The following BAZ2B variants were observed in gnomAD, a reference collection of about 807,000 sequenced individuals.
The protein encoded by BAZ2B is bromodomain adjacent to zinc finger domain protein 2B.
Under a neutral mutation model 246.0 loss-of-function variants are expected in BAZ2B, and 91 were observed. The observed-to-expected ratio is 0.37, with a 90% CI of 0.31 to 0.44. The LOEUF (loss-of-function observed/expected upper bound fraction) is 0.44. BAZ2B is among the 20% of genes least tolerant of loss of function. The probability of loss-of-function intolerance (pLI) is 1.00; values close to 1 mark genes in which losing one functional copy is unlikely to be tolerated. For missense variants in BAZ2B, 2,332 were observed against 2,533.7 expected (o/e 0.92, Z 1.71); for synonymous variants, 855 against 860.0 (o/e 0.99, Z 0.10).
At chr2:159,698,544 AAAAGAG>A in the BAZ2B span, among the ~76,000 whole-genome samples, 7,876 of 145,920 alleles carry the variant, frequency 0.054, 402 homozygotes, top group African/African-American at 0.15. Context: ...AAAACAAAGA[AAAAGAG>A]AATGTTTAGC....
intron 13 of BAZ2B, chr2:159,419,647 A>C (rs780276185): frequency 1.3e-5 from 2 of 152,214 alleles, no homozygotes; most frequent in Non-Finnish European, 2.9e-5. Context: ...CACAATGCTG[A>C]CTATGCTTTC....
At chr2:159,478,519 T>G (rs1458586827) in intron 3 of BAZ2B, 56 bp downstream of exon 3, 1 of 1,519,928 alleles carries the variant, frequency 6.6e-7, no homozygotes, top group Non-Finnish European at 8.9e-7. Flanking sequence ...AATAAAATAT[T>G]ATGCAAATTA....
the BAZ2B span, among the ~76,000 whole-genome samples, chr2:159,688,856 A>G: frequency 6.6e-6 from 1 of 152,218 alleles, no homozygotes; most frequent in Non-Finnish European, 1.5e-5. Flanking sequence ...TTGCAGTAAT[A>G]CAGCAGAAGC....
chr2:159,569,995 C>T (rs935178519), intron 1 of BAZ2B, among the ~76,000 whole-genome samples: 15 of 152,046 alleles, frequency 9.9e-5, no homozygotes, highest in African/African-American at 3.1e-4. Context: ...ATACATAGTA[C>T]GTTTTCAATA....
At chr2:159,449,766 A>C (rs2074787346) in intron 4 of BAZ2B, among the ~76,000 whole-genome samples, 1 of 152,208 alleles carries the variant, frequency 6.6e-6, no homozygotes, top group Non-Finnish European at 1.5e-5. Flanking sequence ...TAGATGAAAG[A>C]TGTACATTTA....
chr2:159,695,502 T>C, the BAZ2B span: 2 of 152,114 alleles, frequency 1.3e-5, no homozygotes, highest in African/African-American at 4.8e-5. Flanking sequence ...CTACAAGTTG[T>C]ATAGTTTTAG....
At chr2:159,491,700 G>A (rs1247767979) in intron 2 of BAZ2B, among the ~76,000 whole-genome samples, 2 of 86,468 alleles carry the variant, frequency 2.3e-5, no homozygotes, top group African/African-American at 9.9e-5. Flanking sequence ...CAGCCCGGGC[G>A]ACAGAGCGAG....
chr2:159,524,005 AAT>A (rs1404567028), intron 2 of BAZ2B, among the ~76,000 whole-genome samples: 1 of 152,222 alleles, frequency 6.6e-6, no homozygotes, highest in Non-Finnish European at 1.5e-5. Context: ...GGGCAGAAAT[AAT>A]ATGTTTCTAT....
In BAZ2B at chr2:159,453,695, T is replaced by C. The variant is rs1020764776; in HGVS notation, c.252A>G (p.Ser84=). ...HPVFGLHSAS[S]GHSEFGGLGT... ...CCAAACCACCAAATTCTGAATGCCC[T>C]GAGCTGGCTGAATGTAGACCAAAGA... is the stretch of plus-strand genomic sequence containing the variant. Residue 84 remains serine, a synonymous_variant, in exon 4 of 37, where the codon TCA becomes TCG. Coordinates refer to ENST00000392783, the MANE Select transcript of BAZ2B (RefSeq NM_013450.4). The C allele has an allele frequency of 6.2e-7, 1 of 1,613,774 alleles. No individual in the cohort carries two copies. Among genetic ancestry groups the C allele is most frequent in the Non-Finnish European group, 8.5e-7 (1 of 1,179,824 alleles).
At chr2:159,558,388 C>G (rs1268235643) in intron 1 of BAZ2B, among the ~76,000 whole-genome samples, 3 of 152,150 alleles carry the variant, frequency 2.0e-5, no homozygotes, top group African/African-American at 7.2e-5. Flanking sequence ...TTCCGAGTAG[C>G]TGGGATTACA....
intron 22 of BAZ2B, 113 bp downstream of exon 22, chr2:159,386,240 A>G: frequency 3.4e-6 from 4 of 1,187,116 alleles, no homozygotes; most frequent in South Asian, 1.7e-5. Flanking sequence ...TTTGTGAGAC[A>G]TTATGTGGAA....
chr2:159,552,137 TCTAAA>T (rs1280568952), intron 2 of BAZ2B, among the ~76,000 whole-genome samples: 10 of 152,198 alleles, frequency 6.6e-5, no homozygotes, highest in African/African-American at 2.4e-4. Context: ...TGCAGAGTAC[TCTAAA>T]CTATTCTATA....
At chr2:159,449,765 G>T (rs1339061096) in intron 4 of BAZ2B, among the ~76,000 whole-genome samples, 4 of 152,172 alleles carry the variant, frequency 2.6e-5, no homozygotes, top group African/African-American at 4.8e-5. Flanking sequence ...TTAGATGAAA[G>T]ATGTACATTT....
At chr2:159,399,569 A>C (rs1416921952) in intron 17 of BAZ2B, among the ~76,000 whole-genome samples, 1 of 152,168 alleles carries the variant, frequency 6.6e-6, no homozygotes, top group East Asian at 1.9e-4. Context: ...AAGCTTCATA[A>C]TCTTAAAATC....
intron 20 of BAZ2B, chr2:159,395,516 A>G (rs2063893744): frequency 3.5e-6 from 1 of 288,792 alleles, no homozygotes; most frequent in South Asian, 7.3e-5. Context: ...TTTTATCTAA[A>G]CCAATGTTAT....
chr2:159,560,044 A>G (rs2151492881), intron 1 of BAZ2B, among the ~76,000 whole-genome samples: 1 of 152,314 alleles, frequency 6.6e-6, no homozygotes, highest in Non-Finnish European at 1.5e-5. Context: ...TTCAGCAATC[A>G]GCACGTACTA....
intron 35 of BAZ2B, 49 bp from the exon 36 acceptor site, chr2:159,325,003 TA>T (rs775782145): frequency 7.7e-6 from 9 of 1,171,592 alleles, no homozygotes; most frequent in Non-Finnish European, 9.8e-6. Context: ...ACAACTGTCT[TA>T]TTTTTTAATT....
the BAZ2B span, among the ~76,000 whole-genome samples, chr2:159,666,825 A>C: frequency 6.6e-6 from 1 of 152,236 alleles, no homozygotes; most frequent in Admixed American, 6.5e-5. Context: ...ACTGCACTCC[A>C]GCCTGGGCAA....
chr2:159,596,238 T>A (rs748697067), intron 1 of BAZ2B, among the ~76,000 whole-genome samples: 3 of 152,220 alleles, frequency 2.0e-5, no homozygotes, highest in Non-Finnish European at 4.4e-5. Context: ...TAAGTCTTGA[T>A]GTTTACCATA....
Sources: allele counts gnomAD v4.1 joint callset (sites outside exome capture counted in the v4.1 genomes callset), GRCh38; gene constraint gnomAD v4.1.1; transcripts MANE v1.5; gene names NCBI Gene and HGNC (gene_info 2026-07-23, HGNC 2026-07-21).